The following SLC38A9 variants were observed in gnomAD, a reference collection of about 807,000 sequenced individuals.
SLC38A9 encodes the protein neutral amino acid transporter 9.
Under a neutral mutation model 62.3 loss-of-function variants are expected in SLC38A9, and 48 were observed. The observed-to-expected ratio is 0.77, with a 90% CI of 0.61 to 0.98. The LOEUF (loss-of-function observed/expected upper bound fraction) is 0.98, where lower values mean the gene tolerates loss of function less well. Ranked by LOEUF, SLC38A9 falls within the 50% of genes least tolerant of loss-of-function variation. The probability of loss-of-function intolerance (pLI) is 0.00; values close to 1 mark genes in which losing one functional copy is unlikely to be tolerated. For synonymous variants in SLC38A9, 204 were observed against 227.7 expected, an observed-to-expected ratio of 0.90 and a Z score of 0.94; for missense variants, 541 against 679.8, an observed-to-expected ratio of 0.80 and a Z score of 2.27.
At chr5:55,694,112 G>A (rs1755100943) in intron 3 of SLC38A9, 1 of 179,372 alleles carries the variant, frequency 5.6e-6, no homozygotes, top group African/African-American at 2.4e-5. Context: ...GGAGGCTGAA[G>A]TGGGAGGACT....
intron 3 of SLC38A9, among the ~76,000 whole-genome samples, chr5:55,687,214 C>G (rs1021717938): frequency 1.3e-5 from 2 of 150,428 alleles, no homozygotes; most frequent in African/African-American, 4.9e-5. Flanking sequence ...CCGAGGCGGG[C>G]GGATCACGAG....
intron 2 of SLC38A9, among the ~76,000 whole-genome samples, chr5:55,705,943 T>C (rs1757239610): frequency 6.6e-6 from 1 of 152,048 alleles, no homozygotes; most frequent in Non-Finnish European, 1.5e-5. Flanking sequence ...CTCCTGACCT[T>C]GTGATCTGCC....
At chr5:55,639,149 T>C (rs1326370358) in intron 12 of SLC38A9, among the ~76,000 whole-genome samples, 1 of 151,996 alleles carries the variant, frequency 6.6e-6, no homozygotes, top group African/African-American at 2.4e-5. Flanking sequence ...GGTACATGCC[T>C]GTTATCTCAG....
At chr5:55,636,179 C>T (rs1051570639) in intron 12 of SLC38A9, among the ~76,000 whole-genome samples, 2 of 152,042 alleles carry the variant, frequency 1.3e-5, no homozygotes, top group Non-Finnish European at 2.9e-5. Flanking sequence ...AAAGAACAGA[C>T]AACAAGCAGT....
intron 8 of SLC38A9, among the ~76,000 whole-genome samples, chr5:55,660,278 T>A (rs574729918): frequency 3.0e-4 from 46 of 151,794 alleles, no homozygotes; most frequent in African/African-American, 1.1e-3. Flanking sequence ...GGCATGGTGG[T>A]GGTATTTGCC....
At chr5:55,646,718 T>G (rs2150140980) in intron 11 of SLC38A9, among the ~76,000 whole-genome samples, 1 of 152,308 alleles carries the variant, frequency 6.6e-6, no homozygotes, top group South Asian at 2.1e-4. Context: ...TTCCCTATGA[T>G]TGAAATAGCA....
intron 3 of SLC38A9, 48 bp from the exon 4 acceptor site, chr5:55,672,743 T>C: frequency 6.3e-7 from 1 of 1,582,762 alleles, no homozygotes; most frequent in Non-Finnish European, 8.6e-7. Context: ...CCAAAAATTC[T>C]GGAAGTCAGC....
At chr5:55,656,796 T>C (rs368221115) in intron 8 of SLC38A9, 22 bp from the exon 9 acceptor site, 2 of 1,280,504 alleles carry the variant, frequency 1.6e-6, no homozygotes, top group African/African-American at 1.5e-5. Context: ...GGAAAAAATA[T>C]AGTTTAACAC....
In SLC38A9 at chr5:55,669,768, A is replaced by G. The variant is rs1216291221; in HGVS notation, c.358T>C (p.Leu120=). Residue 120 remains leucine, a synonymous_variant, in exon 5 of 16, where the codon TTA becomes CTA. Coordinates refer to ENST00000396865, the MANE Select transcript of SLC38A9 (RefSeq NM_173514.4). The part of the protein sequence containing the change: ...YTEGYGKNTS[L]VTIFMIWNTM... The stretch of plus-strand genomic sequence containing the variant: ...AGCAGTTTCACTCACATGGTTACTA[A>G]ACTGGTGTTTTTACCGTATCCTTCA... 2 of 1,613,576 alleles carry G rather than the reference A, an allele frequency of 1.2e-6. No individual in the cohort carries two copies. Among genetic ancestry groups the G allele is most frequent in the East Asian group, 4.5e-5 (2 of 44,866 alleles).
chr5:55,695,146 T>TA (rs1327713105), intron 3 of SLC38A9, among the ~76,000 whole-genome samples: 32 of 95,608 alleles, frequency 3.3e-4, no homozygotes, highest in East Asian at 1.5e-3. Flanking sequence ...TAGTGTTAAA[T>TA]TTTTTTAATA....
In SLC38A9 at chr5:55,626,540, A is replaced by G; in HGVS notation, c.1640T>C (p.Ile547Thr). ...TWPKLIFHVF[I>T]IILGVANLIV... The stretch of plus-strand genomic sequence containing the variant: ...CAGGTTAGCCACGCCCAAAATGATG[A>G]TGAAAACGTGGAAGATTAATTTAGG... Residue 547 changes from isoleucine to threonine, a missense_variant, in exon 16 of 16, where the codon ATC becomes ACC. By Grantham distance (89) the Ile-to-Thr change is moderately conservative. Transcript: ENST00000396865. 1 of 1,613,852 alleles carries G rather than the reference A, an allele frequency of 6.2e-7. No homozygotes were observed. The highest frequency in any genetic ancestry group is 8.5e-7 in the Non-Finnish European group (1 of 1,179,872).
chr5:55,690,785 A>G (rs377765934), intron 3 of SLC38A9, among the ~76,000 whole-genome samples: 2 of 152,332 alleles, frequency 1.3e-5, no homozygotes, highest in African/African-American at 2.4e-5. Flanking sequence ...AACTTTTTGT[A>G]AAGTGCTAAG....
intron 14 of SLC38A9, among the ~76,000 whole-genome samples, chr5:55,629,516 C>T (rs1743049690): frequency 6.6e-6 from 1 of 152,126 alleles, no homozygotes; most frequent in African/African-American, 2.4e-5. Flanking sequence ...ATAGGAAAGT[C>T]ATAATAAAGC....
chr5:55,667,137 T>C (rs1750614623), intron 7 of SLC38A9, among the ~76,000 whole-genome samples: 2 of 152,174 alleles, frequency 1.3e-5, no homozygotes, highest in African/African-American at 2.4e-5. Flanking sequence ...GGAGGTTGCA[T>C]TGAGCTGAGT....
At chr5:55,630,192 C>T (rs1345224927) in intron 14 of SLC38A9, among the ~76,000 whole-genome samples, 2 of 151,968 alleles carry the variant, frequency 1.3e-5, no homozygotes, top group East Asian at 3.8e-4. Context: ...GGATTTTCTT[C>T]ACAAATCTAA....
intron 3 of SLC38A9, among the ~76,000 whole-genome samples, chr5:55,687,426 CAAAAAAAA>C (rs34476189): frequency 1.2e-4 from 9 of 76,422 alleles, no homozygotes; most frequent in South Asian, 6.2e-4. Flanking sequence ...GACTCCGTCT[CAAAAAAAA>C]AAAAAAAAAA....
rs777132603 is a variant in SLC38A9, at chr5:55,656,716, AG to A, written c.755del (p.Pro252LeufsTer2). The A allele has an allele frequency of 4.4e-6, 7 of 1,596,986 alleles. No individual in the cohort carries two copies. In the African/African-American group the frequency reaches 8.1e-5, roughly 18 times the overall value. On this transcript the variant is annotated frameshift_variant and splice_region_variant, in exon 9 of 16. Coordinates refer to ENST00000396865, the MANE Select transcript of SLC38A9 (RefSeq NM_173514.4). LOFTEE classifies it high-confidence loss of function. ...CAAACAACATCCCAAACTACTTACC[AG>A]GGTTGCTATTATTGGTACTCAGTAT... ...DTILSTNNSN[P>X]VICPSAGSGG...
intron 12 of SLC38A9, among the ~76,000 whole-genome samples, chr5:55,637,199 T>C (rs867915788): frequency 6.6e-6 from 1 of 152,174 alleles, no homozygotes; most frequent in African/African-American, 2.4e-5. Flanking sequence ...CACCATCCCA[T>C]AGACAGTTTT....
At chr5:55,629,482 C>A (rs1743043676) in intron 14 of SLC38A9, among the ~76,000 whole-genome samples, 1 of 152,120 alleles carries the variant, frequency 6.6e-6, no homozygotes, top group Admixed American at 6.5e-5. Context: ...GAATATATAT[C>A]CTTTAAATAT....
Sources: gnomAD v4.1 joint callset for allele counts (sites outside exome capture counted in the v4.1 genomes callset) on GRCh38, gnomAD v4.1.1 for gene constraint, MANE v1.5 for transcripts, NCBI Gene and HGNC (gene_info 2026-07-23, HGNC 2026-07-21) for gene names.